CERS6: variants seen among roughly 807,000 people sequenced by gnomAD.
CERS6 encodes the protein ceramide synthase 6.
In CERS6, 26 loss-of-function variants were observed where a neutral mutation model predicts 56.8. That is an observed-to-expected ratio of 0.46 (90% CI 0.34 to 0.63). The LOEUF is 0.63. Among genes scored for constraint, CERS6 ranks in the 30% least tolerant of loss-of-function variants. The pLI is 0.01. For missense variants in CERS6, 415 were observed against 467.5 expected (o/e 0.89, Z 1.04); for synonymous variants, 164 against 173.3 (o/e 0.95, Z 0.42).
chr2:168,512,976 T>C (rs73018573), intron 1 of CERS6, among the ~76,000 whole-genome samples: 2,256 of 152,260 alleles, frequency 0.015, 50 homozygotes, highest in African/African-American at 0.051. Context: ...TCTACAGTTA[T>C]TTTCTTCTGG....
At chr2:168,657,432 G>A (rs2105324239) in intron 4 of CERS6, among the ~76,000 whole-genome samples, 1 of 152,392 alleles carries the variant, frequency 6.6e-6, no homozygotes, top group East Asian at 1.9e-4. Context: ...CCTGCGCCAT[G>A]CGCTCGCATT....
intron 8 of CERS6, among the ~76,000 whole-genome samples, chr2:168,724,985 C>T (rs1683304617): frequency 6.6e-6 from 1 of 152,226 alleles, no homozygotes; most frequent in East Asian, 1.9e-4. Flanking sequence ...CCCACAGGAG[C>T]CCACGGAGGG....
chr2:168,626,047 C>G (rs189766568), intron 3 of CERS6, among the ~76,000 whole-genome samples: 11 of 152,226 alleles, frequency 7.2e-5, no homozygotes, highest in Non-Finnish European at 1.6e-4. Context: ...GATGCTGGAA[C>G]CAAACAGCCT....
chr2:168,705,372 AAAAAAC>A (rs1231149381), intron 6 of CERS6, among the ~76,000 whole-genome samples: 1 of 152,160 alleles, frequency 6.6e-6, no homozygotes, highest in Non-Finnish European at 1.5e-5. Context: ...CCAGAAGAAA[AAAAAAC>A]AAAAACAAAA....
chr2:168,515,141 A>G (rs1441998341), intron 1 of CERS6, among the ~76,000 whole-genome samples: 2 of 152,246 alleles, frequency 1.3e-5, no homozygotes, highest in Admixed American at 1.3e-4. Flanking sequence ...TGTTACTGCC[A>G]TGAACATGGA....
At chr2:168,579,659 G>A (rs1305248627) in intron 3 of CERS6, among the ~76,000 whole-genome samples, 1 of 152,068 alleles carries the variant, frequency 6.6e-6, no homozygotes, top group African/African-American at 2.4e-5. Context: ...CCTGGCACAG[G>A]TATACCCACC....
In CERS6 at chr2:168,769,974, C is replaced by T; in HGVS notation, c.*312C>T. 1 of 297,082 alleles carries T rather than the reference C, an allele frequency of 3.4e-6. No individual in the cohort carries two copies. The highest frequency in any genetic ancestry group is 3.2e-5 in the South Asian group (1 of 31,608). The allele number at this position is 297,082 out of a possible 1,614,324, so 18.4% of individuals were successfully genotyped here. The stretch of plus-strand genomic sequence containing the variant: ...AAAGAGGGTTTCCTCACTCCTTTTA[C>T]TCACTGGGCTCATGACAGTGAAGGA... On this transcript the variant is annotated 3_prime_UTR_variant, in exon 10 of 10. Transcript: ENST00000305747.
Position 168,639,733 on chromosome 2 carries a change from C to T in CERS6, c.465+8691C>T, listed in dbSNP as rs114133852. On this transcript the variant is annotated intron_variant, in intron 4 of 9. Transcript: ENST00000305747. ...ATGTGGAGCAGAGCAGCAGGAATTC[C>T]GATTGGACCAGCTCATGCTCTGATT... Among the ~76,000 whole-genome samples the T allele has an allele frequency of 4.5e-3, 689 of 152,114 alleles. 3 individuals carry two copies. Among genetic ancestry groups the T allele is most frequent in the Non-Finnish European group, 7.5e-3 (507 of 67,992 alleles).
chr2:168,535,050 C>G (rs999579246), intron 1 of CERS6, among the ~76,000 whole-genome samples: 1 of 152,216 alleles, frequency 6.6e-6, no homozygotes. Context: ...GGGACCAAGC[C>G]GTCCAGCCTC....
At chr2:168,707,734 G>A (rs1238698665) in intron 6 of CERS6, among the ~76,000 whole-genome samples, 2 of 152,004 alleles carry the variant, frequency 1.3e-5, no homozygotes, top group Admixed American at 1.3e-4. Flanking sequence ...TGCCTACTGG[G>A]GAGAGACCCA....
intron 1 of CERS6, among the ~76,000 whole-genome samples, chr2:168,510,094 A>G (rs1390420902): frequency 1.0e-5 from 1 of 98,848 alleles, no homozygotes; most frequent in Non-Finnish European, 2.0e-5. Flanking sequence ...AATAATTGGT[A>G]AAAAAAAAAA....
chr2:168,760,907 C>T lies in CERS6; in HGVS notation c.846-4685C>T, dbSNP rs544093974. On this transcript the variant is annotated intron_variant, in intron 8 of 9. Transcript: ENST00000305747. Reference sequence around the variant, plus strand: ...CGTAGCTGGGACTACAGGCGCCCGCCACCACGCCCGGCTAATTTTTTGTGT... The same window carrying T: ...CGTAGCTGGGACTACAGGCGCCCGCTACCACGCCCGGCTAATTTTTTGTGT... 1.2e-3 allele frequency among the ~76,000 whole-genome samples: 188 copies of T among 152,158 alleles called. 2 individuals are homozygous for T. The highest frequency in any genetic ancestry group is 9.2e-4 in the African/African-American group (38 of 41,442).
Position 168,561,283 on chromosome 2 carries a change from A to T in CERS6, c.368A>T (p.Gln123Leu). Reference sequence around the variant, plus strand: ...CGCTGGTTTCGACAAAGACGCAATCAGGAGAAGCCAAGCACGCTGACGAGG... The same window carrying T: ...CGCTGGTTTCGACAAAGACGCAATCTGGAGAAGCCAAGCACGCTGACGAGG... ...IQRWFRQRRN[Q>L]EKPSTLTRFC... The change falls in exon 3 of 10, where the codon CAG (glutamine) becomes CTG (leucine). Residue 123 changes from glutamine to leucine, a missense_variant. By Grantham distance (113) the Gln-to-Leu change is moderately radical. Transcript: ENST00000305747. 1 of 1,614,190 alleles carries T rather than the reference A, an allele frequency of 6.2e-7. No homozygotes were observed. Among genetic ancestry groups the T allele is most frequent in the Non-Finnish European group, 8.5e-7 (1 of 1,179,996 alleles).
At chr2:168,732,633 T>C (rs1018031729) in intron 8 of CERS6, among the ~76,000 whole-genome samples, 1 of 152,240 alleles carries the variant, frequency 6.6e-6, no homozygotes, top group South Asian at 2.1e-4. Context: ...CTTACAGCTG[T>C]TGTCTGGGTT....
intron 4 of CERS6, among the ~76,000 whole-genome samples, chr2:168,690,184 T>G (rs73973405): frequency 2.0e-3 from 299 of 152,280 alleles, no homozygotes; most frequent in African/African-American, 6.9e-3. Context: ...GTTGGCAGAT[T>G]AATCTTAAGA....
Position 168,476,184 on chromosome 2 carries a change from A to G in CERS6, c.170+19566A>G, listed in dbSNP as rs535975472. 4.6e-5 allele frequency among the ~76,000 whole-genome samples: 7 copies of G among 151,778 alleles called. No homozygotes were observed. The East Asian group carries it at 1.4e-3, about 29-fold the overall frequency. On this transcript the variant is annotated intron_variant, in intron 1 of 9. Transcript: ENST00000305747. ...AGGAATGGCAGCTTCCAGCCAGTAC[A>G]TTAATTATGCTCCTCTCTGGCATCC...
intron 8 of CERS6, among the ~76,000 whole-genome samples, chr2:168,733,551 A>T (rs1176827700): frequency 6.6e-6 from 1 of 152,240 alleles, no homozygotes; most frequent in African/African-American, 2.4e-5. Flanking sequence ...TTATTGGAGA[A>T]AAGGGAGAAA....
chr2:168,506,753 A>G (rs1694685223), intron 1 of CERS6, among the ~76,000 whole-genome samples: 1 of 152,198 alleles, frequency 6.6e-6, no homozygotes, highest in African/African-American at 2.4e-5. Flanking sequence ...GCAGTAAAGC[A>G]TTGTGTCATT....
intron 1 of CERS6, among the ~76,000 whole-genome samples, chr2:168,504,234 C>A (rs1378335761): frequency 6.6e-6 from 1 of 152,100 alleles, no homozygotes; most frequent in East Asian, 1.9e-4. Context: ...CACAGGGAGA[C>A]CCCATCTCTC....
Sources: allele counts gnomAD v4.1 joint callset (sites outside exome capture counted in the v4.1 genomes callset), GRCh38; gene constraint gnomAD v4.1.1; transcripts MANE v1.5; gene names NCBI Gene and HGNC (gene_info 2026-07-23, HGNC 2026-07-21).